IL5: variants seen among roughly 807,000 people sequenced by gnomAD.
The protein encoded by IL5 is interleukin 5.
IL5 carries 12 observed loss-of-function variants against 16.3 expected under a neutral mutation model. The ratio of observed to expected loss-of-function variants is 0.74; its 90% CI spans 0.47 to 1.20. The LOEUF (loss-of-function observed/expected upper bound fraction) is 1.20, where lower values mean the gene tolerates loss of function less well. Ranked by LOEUF, IL5 falls within the 50% of genes most tolerant of loss-of-function variation. The probability of loss-of-function intolerance (pLI) is 0.00; values close to 1 mark genes in which losing one functional copy is unlikely to be tolerated. For synonymous variants in IL5, 54 were observed against 56.6 expected (o/e 0.95, Z 0.21); for missense variants, 159 against 153.9 (o/e 1.03, Z -0.17).
chr5:132,545,758 G>T (rs1749773365), upstream of IL5, among the ~76,000 whole-genome samples: 1 of 152,070 alleles, frequency 6.6e-6, no homozygotes, highest in Non-Finnish European at 1.5e-5. Context: ...TTTCAAAGAA[G>T]CCTTTATAAA....
Position 132,543,392 on chromosome 5 carries a change from C to G in IL5, c.87G>C (p.Leu29Phe). The G allele has an allele frequency of 6.2e-7, 1 of 1,614,184 alleles. No homozygotes were observed. ...AIPTEIPTSA[L>F]VKETLALLST... is the part of the protein sequence containing the mutation. ...AAAGCAGTGCCAAGGTCTCTTTCAC[C>G]AATGCACTTGTGGGAATTTCTGTGG... The change falls in exon 1 of 4, where the codon TTG becomes TTC. Residue 29 changes from leucine to phenylalanine, a missense_variant. Coordinates refer to ENST00000231454, the MANE Select transcript of IL5 (RefSeq NM_000879.3).
chr5:132,555,750 C>T (rs1233640497), intron 1 of IL5, among the ~76,000 whole-genome samples: 2 of 152,152 alleles, frequency 1.3e-5, no homozygotes, highest in South Asian at 4.1e-4. Context: ...TTCCTGACCT[C>T]GTGATCCACC....
chr5:132,552,797 G>A (rs1423916528), intron 1 of IL5, among the ~76,000 whole-genome samples: 3 of 152,070 alleles, frequency 2.0e-5, no homozygotes, highest in East Asian at 1.9e-4. Flanking sequence ...GTGCAGTGGC[G>A]TGATCTTGGC....
intron 1 of IL5, among the ~76,000 whole-genome samples, chr5:132,550,581 C>A (rs1329905457): frequency 3.9e-5 from 6 of 151,934 alleles, no homozygotes; most frequent in Non-Finnish European, 8.8e-5. Flanking sequence ...CTCGGCCTCC[C>A]AAAGTGCTGG....
chr5:132,551,538 G>A (rs754480697), intron 1 of IL5, among the ~76,000 whole-genome samples: 5 of 150,934 alleles, frequency 3.3e-5, no homozygotes, highest in Admixed American at 2.6e-4. Flanking sequence ...CCCAGTCTGC[G>A]TGTGTGTGTG....
At position 132,556,808 on chromosome 5, in the gene IL5, T is replaced by C. The variant is rs946433303; in HGVS notation, c.-93A>G. The C allele has an allele frequency of 1.3e-4, 152 of 1,201,860 alleles. No homozygotes were observed. In the African/African-American group the frequency reaches 2.2e-3, roughly 17 times the overall value. 74.4% of individuals were successfully genotyped at this position (1,201,860 alleles called of 1,614,324 possible). A position where few individuals can be genotyped will look rare whatever the true frequency, so the allele number is the denominator to read the frequency against. On this transcript the variant is annotated 5_prime_UTR_variant, in exon 1 of 3. Coordinates refer to the IL5 transcript ENST00000450655. The stretch of plus-strand genomic sequence containing the variant: ...AGTCAGTGCCTCTCCAGGCTGCCCA[T>C]CCCCAGCAAAGATCCGGAAGTCCGC...
rs184698719 is a variant in IL5, at chr5:132,543,150, C to A, written c.145-24G>T. 2.4e-5 allele frequency: 39 copies of A among 1,600,112 alleles called. No individual in the cohort carries two copies. In the African/African-American group the frequency reaches 3.3e-4, roughly 14 times the overall value. ...GTCTGGAGAGGAAAGGAAATACAAT[C>A]ATTTTTACAGCACACCAGCATTCAT... On this transcript the variant is annotated intron_variant, in intron 1 of 3. Transcript: ENST00000231454.
chr5:132,542,100 A>G lies in IL5; in HGVS notation c.221T>C (p.Leu74Pro), dbSNP rs781651819. ...TEEIFQGIGT[L>P]ESQTVQGGTV... Reference sequence around the variant, plus strand: ...ACCCCCTTGCACAGTTTGACTCTCCAGTGTGCCTATTCCCTGAAAGATTTC... The same window carrying G: ...ACCCCCTTGCACAGTTTGACTCTCCGGTGTGCCTATTCCCTGAAAGATTTC... Residue 74 changes from leucine (L) to proline (P), a missense_variant, in exon 3 of 4, where the codon CTG becomes CCG. Physicochemically the swap from Leu to Pro is moderately conservative, Grantham distance 98. Transcript: ENST00000231454. 6.2e-7 allele frequency: 1 copy of G among 1,613,536 alleles called. No homozygotes were observed. The highest frequency in any genetic ancestry group is 8.5e-7 in the Non-Finnish European group (1 of 1,179,538).
At chr5:132,551,386 G>A (rs561432025) in intron 1 of IL5, among the ~76,000 whole-genome samples, 4 of 152,294 alleles carry the variant, frequency 2.6e-5, no homozygotes, top group Admixed American at 6.5e-5. Context: ...TAACATTCAC[G>A]AGAAAACAAT....
intron 1 of IL5, among the ~76,000 whole-genome samples, chr5:132,552,852 AGCC>A (rs1439853593): frequency 6.6e-6 from 1 of 152,154 alleles, no homozygotes; most frequent in Non-Finnish European, 1.5e-5. Context: ...TTCCTGCCTC[AGCC>A]TCCTGAGTAG....
intron 1 of IL5, among the ~76,000 whole-genome samples, chr5:132,555,305 C>T (rs770989846): frequency 3.3e-5 from 5 of 152,092 alleles, no homozygotes; most frequent in Non-Finnish European, 5.9e-5. Context: ...AAGATAAATA[C>T]TGTATGATTC....
At chr5:132,549,002 C>G (rs1463789347) in intron 1 of IL5, among the ~76,000 whole-genome samples, 1 of 152,058 alleles carries the variant, frequency 6.6e-6, no homozygotes, top group Non-Finnish European at 1.5e-5. Flanking sequence ...AGTCTGTTTC[C>G]AAGAACCTAT....
intron 1 of IL5, among the ~76,000 whole-genome samples, chr5:132,552,986 A>G (rs150918114): frequency 6.6e-6 from 1 of 152,084 alleles, no homozygotes; most frequent in Non-Finnish European, 1.5e-5. Flanking sequence ...CGCCTGCCTC[A>G]GAGAATTTTT....
chr5:132,548,506 G>C (rs141409998), upstream of IL5, among the ~76,000 whole-genome samples: 552 of 152,264 alleles, frequency 3.6e-3, 4 homozygotes, highest in African/African-American at 0.011. Flanking sequence ...TTAGTTCCAC[G>C]TTATTTCATT....
intron 1 of IL5, among the ~76,000 whole-genome samples, chr5:132,553,621 T>C (rs1485759792): frequency 5.3e-5 from 8 of 152,046 alleles, no homozygotes; most frequent in Non-Finnish European, 7.4e-5. Flanking sequence ...GATATCCAAG[T>C]CTCCACAGTA....
At chr5:132,547,859 C>T (rs992249745), upstream of IL5, among the ~76,000 whole-genome samples, 3 of 152,132 alleles carry the variant, frequency 2.0e-5, no homozygotes, top group Non-Finnish European at 2.9e-5. Flanking sequence ...TGGTTGAAGT[C>T]AGCAGTTCGA....
chr5:132,543,262 T>C, intron 1 of IL5, 73 bp downstream of exon 1: 3 of 1,447,808 alleles, frequency 2.1e-6, no homozygotes, highest in Admixed American at 1.8e-5. Context: ...CAGATCTCTA[T>C]ATATAGTAAA....
intron 1 of IL5, among the ~76,000 whole-genome samples, chr5:132,553,218 C>T (rs1255820984): frequency 6.6e-6 from 1 of 152,156 alleles, no homozygotes; most frequent in Non-Finnish European, 1.5e-5. Context: ...GAGCCTGTGC[C>T]AGTGTCTTGT....
intron 1 of IL5, chr5:132,556,597 T>C: frequency 1.1e-6 from 1 of 944,004 alleles, no homozygotes; most frequent in Non-Finnish European, 1.4e-6. Flanking sequence ...ACATGTTATG[T>C]GATCACTGGA....
Sources: gnomAD v4.1 joint callset for allele counts (sites outside exome capture counted in the v4.1 genomes callset) on GRCh38, gnomAD v4.1.1 for gene constraint, MANE v1.5 for transcripts, NCBI Gene and HGNC (gene_info 2026-07-23, HGNC 2026-07-21) for gene names.